Variants in RBM47 observed in about 807,000 individuals in gnomAD.
The protein encoded by RBM47 is RNA-binding protein 47.
RBM47 carries 21 observed loss-of-function variants against 47.1 expected under a neutral mutation model. The ratio of observed to expected loss-of-function variants is 0.45; its 90% CI spans 0.32 to 0.64. The LOEUF is 0.64. Ranked by LOEUF, RBM47 falls within the 30% of genes least tolerant of loss-of-function variation. The probability of loss-of-function intolerance (pLI) is 0.05; values close to 1 mark genes in which losing one functional copy is unlikely to be tolerated. For missense variants in RBM47, 708 were observed against 870.9 expected (o/e 0.81, Z 2.35); for synonymous variants, 375 against 361.7 (o/e 1.04, Z -0.42).
At chr4:40,516,206 G>A (rs539683407) in intron 2 of RBM47, among the ~76,000 whole-genome samples, 9 of 151,494 alleles carry the variant, frequency 5.9e-5, no homozygotes, top group African/African-American at 2.2e-4. Flanking sequence ...TTGCTTCCCT[G>A]AGAGGAACAT....
chr4:40,506,909 C>T (rs796676051), intron 2 of RBM47, among the ~76,000 whole-genome samples: 128 of 151,818 alleles, frequency 8.4e-4, no homozygotes, highest in African/African-American at 2.9e-3. Flanking sequence ...CTGTGGCAGG[C>T]GAATCACTTG....
intron 1 of RBM47, among the ~76,000 whole-genome samples, chr4:40,587,390 T>C (rs948992008): frequency 2.0e-5 from 3 of 152,128 alleles, no homozygotes; most frequent in African/African-American, 7.2e-5. Context: ...CTGACCACCC[T>C]CACTTTCCCT....
intron 2 of RBM47, among the ~76,000 whole-genome samples, chr4:40,512,173 C>A (rs905899687): frequency 1.3e-5 from 2 of 152,120 alleles, no homozygotes; most frequent in African/African-American, 4.8e-5. Context: ...CTAATCCCAA[C>A]ACTTTGGGAG....
intron 2 of RBM47, among the ~76,000 whole-genome samples, chr4:40,514,265 A>G (rs1725299884): frequency 1.3e-5 from 2 of 152,120 alleles, no homozygotes; most frequent in Admixed American, 6.6e-5. Flanking sequence ...TAAAATCTCA[A>G]GCACAAGTAG....
At chr4:40,512,166 AT>A (rs1336419314) in intron 2 of RBM47, among the ~76,000 whole-genome samples, 5 of 152,090 alleles carry the variant, frequency 3.3e-5, no homozygotes, top group African/African-American at 1.2e-4. Flanking sequence ...CACACCTCTA[AT>A]CCCAACACTT....
intron 2 of RBM47, among the ~76,000 whole-genome samples, chr4:40,511,469 T>C (rs1199550030): frequency 6.6e-6 from 1 of 152,182 alleles, no homozygotes; most frequent in African/African-American, 2.4e-5. Context: ...CAACCTGACA[T>C]AGAAGCATTA....
chr4:40,430,372 T>C (rs767013185), intron 6 of RBM47, among the ~76,000 whole-genome samples: 9 of 152,184 alleles, frequency 5.9e-5, no homozygotes, highest in Non-Finnish European at 1.2e-4. Context: ...GAAAGACAAG[T>C]GTTCATGAAT....
chr4:40,551,795 C>A (rs1287412292), intron 1 of RBM47, among the ~76,000 whole-genome samples: 1 of 151,726 alleles, frequency 6.6e-6, no homozygotes, highest in Non-Finnish European at 1.5e-5. Context: ...ATTACAGGAG[C>A]GTGCCACCAC....
intron 1 of RBM47, among the ~76,000 whole-genome samples, chr4:40,552,167 G>A (rs1387088427): frequency 6.6e-6 from 1 of 151,996 alleles, no homozygotes; most frequent in Admixed American, 6.6e-5. Context: ...GGGAGGCTGA[G>A]GCAGGTGGAT....
At chr4:40,584,410 G>A (rs1427888078) in intron 1 of RBM47, among the ~76,000 whole-genome samples, 5 of 152,104 alleles carry the variant, frequency 3.3e-5, no homozygotes, top group Admixed American at 6.6e-5. Flanking sequence ...TGGGAGACAC[G>A]TATTTGATTA....
At chr4:40,527,615 C>T (rs1232379186) in intron 2 of RBM47, among the ~76,000 whole-genome samples, 4 of 151,296 alleles carry the variant, frequency 2.6e-5, no homozygotes, top group East Asian at 1.9e-4. Context: ...TTAGTAAAGG[C>T]GGGGTTTCAC....
chr4:40,444,220 G>A (rs187341426), intron 3 of RBM47, among the ~76,000 whole-genome samples: 3 of 152,056 alleles, frequency 2.0e-5, no homozygotes, highest in Admixed American at 6.5e-5. Context: ...CAACAATAAC[G>A]AAAAGGAAAA....
At chr4:40,561,873 C>A (rs576281378) in intron 1 of RBM47, among the ~76,000 whole-genome samples, 38 of 152,120 alleles carry the variant, frequency 2.5e-4, no homozygotes, top group Middle Eastern at 6.8e-3. Flanking sequence ...TGTAAGATAT[C>A]CTTTTACTAG....
intron 1 of RBM47, among the ~76,000 whole-genome samples, chr4:40,577,645 T>TAAAAAA (rs10624014): frequency 6.8e-6 from 1 of 146,728 alleles, no homozygotes; most frequent in Non-Finnish European, 1.5e-5. Flanking sequence ...ATCTCATACT[T>TAAAAAA]AAAAAAAAAA....
rs28740873 is a variant in RBM47 at position 40,463,187 on chromosome 4, T to A, written c.-32+3390A>T. ...TATACATTATACATCCGCAAAGATA[T>A]ACATTATACATCTGCATTACACATC... On this transcript the variant is annotated intron_variant, in intron 3 of 6. Transcript: ENST00000295971. Among the ~76,000 whole-genome samples, 1,014 of 152,282 alleles carry A rather than the reference T, an allele frequency of 6.7e-3. 12 individuals carry two copies. Among genetic ancestry groups the A allele is most frequent in the African/African-American group, 0.023 (938 of 41,552 alleles).
At chr4:40,499,391 T>C (rs1026108804) in intron 2 of RBM47, among the ~76,000 whole-genome samples, 5 of 152,180 alleles carry the variant, frequency 3.3e-5, no homozygotes, top group African/African-American at 9.7e-5. Context: ...CAATTTGTTA[T>C]TAGAATTTTG....
At chr4:40,523,261 C>T (rs896910403) in intron 2 of RBM47, among the ~76,000 whole-genome samples, 49 of 152,076 alleles carry the variant, frequency 3.2e-4, no homozygotes, top group Admixed American at 9.8e-4. Flanking sequence ...GCCACCACAC[C>T]TGGCTAATAA....
At chr4:40,538,843 C>T (rs1191132089) in intron 2 of RBM47, among the ~76,000 whole-genome samples, 1 of 151,248 alleles carries the variant, frequency 6.6e-6, no homozygotes, top group African/African-American at 2.4e-5. Flanking sequence ...ACCATGTTGG[C>T]CAGTCAGTTT....
intron 2 of RBM47, among the ~76,000 whole-genome samples, chr4:40,472,162 C>T (rs1159865537): frequency 6.6e-6 from 1 of 152,102 alleles, no homozygotes; most frequent in Admixed American, 6.5e-5. Flanking sequence ...AACTAGAATC[C>T]TAGAGTTCCA....
Sources: allele counts gnomAD v4.1 joint callset (sites outside exome capture counted in the v4.1 genomes callset), GRCh38; gene constraint gnomAD v4.1.1; transcripts MANE v1.5; gene names NCBI Gene and HGNC (gene_info 2026-07-23, HGNC 2026-07-21).